The following CNTN5 variants were observed in gnomAD, a reference collection of about 807,000 sequenced individuals.
CNTN5 encodes the protein contactin 5, also known as contactin-5.
Under a neutral mutation model 129.1 loss-of-function variants are expected in CNTN5, and 77 were observed. That is an observed-to-expected ratio of 0.60 (90% CI 0.50 to 0.72). The LOEUF (loss-of-function observed/expected upper bound fraction) is 0.72, where lower values mean the gene tolerates loss of function less well. Ranked by LOEUF, CNTN5 falls within the 30% of genes least tolerant of loss-of-function variation. The pLI is 0.00. For missense variants in CNTN5, 1,478 were observed against 1,328.8 expected (o/e 1.11, Z -1.75); for synonymous variants, 509 against 465.6 (o/e 1.09, Z -1.20).
intron 3 of CNTN5, among the ~76,000 whole-genome samples, chr11:99,733,904 C>T (rs763348876): frequency 1.3e-5 from 2 of 152,170 alleles, no homozygotes; most frequent in Admixed American, 1.3e-4. Context: ...CTAAGAGAGC[C>T]AGTTCACCCA....
At chr11:99,945,320 T>G (rs1044323530) in intron 7 of CNTN5, among the ~76,000 whole-genome samples, 5 of 152,034 alleles carry the variant, frequency 3.3e-5, no homozygotes, top group African/African-American at 1.2e-4. Context: ...CATGGTAAAT[T>G]GGAACAAGAA....
At chr11:100,346,472 C>T (rs1455739419) in intron 23 of CNTN5, among the ~76,000 whole-genome samples, 1 of 152,104 alleles carries the variant, frequency 6.6e-6, no homozygotes, top group East Asian at 1.9e-4. Flanking sequence ...GAAAATAAAA[C>T]TCAATGTTCA....
chr11:99,608,646 G>A (rs1950505092), intron 3 of CNTN5, among the ~76,000 whole-genome samples: 2 of 152,104 alleles, frequency 1.3e-5, no homozygotes, highest in Non-Finnish European at 1.5e-5. Flanking sequence ...AGAGACCCCA[G>A]ATCAGATTTT....
chr11:99,427,425 G>A (rs757381707), intron 2 of CNTN5, among the ~76,000 whole-genome samples: 1 of 152,112 alleles, frequency 6.6e-6, no homozygotes, highest in Non-Finnish European at 1.5e-5. Context: ...GGGAGAGAAA[G>A]CCGGAAACAG....
chr11:100,020,910 G>T lies in CNTN5; in HGVS notation c.980+18774G>T, dbSNP rs185997111. On this transcript the variant is annotated intron_variant, in intron 9 of 24. Transcript: ENST00000524871. ...TGAAAACTATAAAATATTGATGAGA[G>T]AAATTGAAGAAGAAAAAAATAAATA... Among the ~76,000 whole-genome samples, 3 of 152,120 alleles carry T rather than the reference G, an allele frequency of 2.0e-5. No individual in the cohort carries two copies. In the East Asian group the frequency reaches 5.8e-4, roughly 29 times the overall value.
chr11:100,341,627 A>G (rs1229239294), intron 23 of CNTN5, among the ~76,000 whole-genome samples: 1 of 152,224 alleles, frequency 6.6e-6, no homozygotes, highest in East Asian at 1.9e-4. Context: ...TGTAAGGGCT[A>G]GAACACTAGA....
intron 16 of CNTN5, among the ~76,000 whole-genome samples, chr11:100,228,746 G>T (rs866728948): frequency 6.6e-6 from 1 of 152,182 alleles, no homozygotes; most frequent in African/African-American, 2.4e-5. Flanking sequence ...TCAGCCCTCG[G>T]CTGGCTCTAC....
intron 3 of CNTN5, among the ~76,000 whole-genome samples, chr11:99,815,663 G>A (rs1946563580): frequency 6.6e-6 from 1 of 152,072 alleles, no homozygotes; most frequent in Non-Finnish European, 1.5e-5. Context: ...GCCCTGTGTG[G>A]AGCAGGCAGG....
chr11:100,187,352 A>C (rs989676749), intron 13 of CNTN5, among the ~76,000 whole-genome samples: 3 of 151,704 alleles, frequency 2.0e-5, no homozygotes, highest in Admixed American at 6.6e-5. Flanking sequence ...CAGTATTAAA[A>C]TGGCCATACT....
At chr11:99,938,754 T>G in intron 7 of CNTN5, among the ~76,000 whole-genome samples, 1 of 152,148 alleles carries the variant, frequency 6.6e-6, no homozygotes, top group East Asian at 1.9e-4. Flanking sequence ...AAATCATTTC[T>G]ATGTAATAGT....
intron 2 of CNTN5, among the ~76,000 whole-genome samples, chr11:99,444,465 G>A (rs1476386846): frequency 6.6e-6 from 1 of 152,108 alleles, no homozygotes; most frequent in African/African-American, 2.4e-5. Flanking sequence ...ATCTCACTAT[G>A]TTTACACTTT....
At chr11:100,231,257 A>G (rs1419851420) in intron 16 of CNTN5, among the ~76,000 whole-genome samples, 1 of 152,222 alleles carries the variant, frequency 6.6e-6, no homozygotes, top group East Asian at 1.9e-4. Flanking sequence ...GAAAATGTTG[A>G]GTGTTTTAGA....
chr11:99,566,132 G>T (rs1948998598), intron 3 of CNTN5, among the ~76,000 whole-genome samples: 1 of 152,112 alleles, frequency 6.6e-6, no homozygotes, highest in Non-Finnish European at 1.5e-5. Context: ...CATGGGAGTA[G>T]ATCCTTCCTG....
At chr11:99,557,206 A>G (rs924667697) in intron 3 of CNTN5, among the ~76,000 whole-genome samples, 10 of 151,282 alleles carry the variant, frequency 6.6e-5, no homozygotes, top group African/African-American at 2.4e-4. Context: ...ATTTTGATAT[A>G]TATGATCATT....
At chr11:99,224,918 A>G (rs982407696) in intron 1 of CNTN5, among the ~76,000 whole-genome samples, 2 of 152,054 alleles carry the variant, frequency 1.3e-5, no homozygotes, top group African/African-American at 2.4e-5. Context: ...TTTCAGCAAC[A>G]GGAATGACTT....
intron 2 of CNTN5, among the ~76,000 whole-genome samples, chr11:99,340,143 A>G (rs753260630): frequency 2.5e-4 from 38 of 152,216 alleles, no homozygotes; most frequent in Non-Finnish European, 5.0e-4. Flanking sequence ...TCCCTAGACA[A>G]CTAGAAACAA....
intron 1 of CNTN5, among the ~76,000 whole-genome samples, chr11:99,271,408 G>A (rs1157220947): frequency 1.3e-5 from 2 of 151,548 alleles, no homozygotes; most frequent in Non-Finnish European, 2.9e-5. Context: ...TTATGGGATG[G>A]GGAAATACAC....
At chr11:99,745,555 G>C (rs1399747944) in intron 3 of CNTN5, among the ~76,000 whole-genome samples, 1 of 152,074 alleles carries the variant, frequency 6.6e-6, no homozygotes, top group Non-Finnish European at 1.5e-5. Context: ...AGCTTCTTTT[G>C]ATAGCACCTT....
chr11:99,817,842 G>C (rs1439563665), intron 3 of CNTN5, among the ~76,000 whole-genome samples: 1 of 139,984 alleles, frequency 7.1e-6, no homozygotes, highest in Non-Finnish European at 1.6e-5. Flanking sequence ...GCCCAAGGGA[G>C]GTTAACTCTT....
Sources: gnomAD v4.1 joint callset for allele counts (sites outside exome capture counted in the v4.1 genomes callset) on GRCh38, gnomAD v4.1.1 for gene constraint, MANE v1.5 for transcripts, NCBI Gene and HGNC (gene_info 2026-07-23, HGNC 2026-07-21) for gene names.